Variants in PDZRN4 observed in about 807,000 individuals in gnomAD.
PDZRN4 encodes the protein PDZ domain-containing RING finger protein 4.
Under a neutral mutation model 99.0 loss-of-function variants are expected in PDZRN4, and 70 were observed. That is an observed-to-expected ratio of 0.71 (90% CI 0.58 to 0.86). PDZRN4 has a LOEUF of 0.86. Ranked by LOEUF, PDZRN4 falls within the 40% of genes least tolerant of loss-of-function variation. The pLI, the probability that PDZRN4 is intolerant of heterozygous loss-of-function variation, is 0.00. For synonymous variants in PDZRN4, 551 were observed against 501.6 expected (o/e 1.10, Z -1.32); for missense variants, 1,474 against 1,331.2 (o/e 1.11, Z -1.67).
At chr12:41,217,149 T>C (rs1015360508) in intron 3 of PDZRN4, among the ~76,000 whole-genome samples, 1 of 152,084 alleles carries the variant, frequency 6.6e-6, no homozygotes, top group African/African-American at 2.4e-5. Context: ...GCTAGAGCAG[T>C]GTCTGGACTG....
intron 3 of PDZRN4, among the ~76,000 whole-genome samples, chr12:41,444,377 CT>C (rs1304353204): frequency 6.6e-6 from 1 of 152,084 alleles, no homozygotes; most frequent in Non-Finnish European, 1.5e-5. Context: ...GCAATTTGAG[CT>C]TAAGAGCTCC....
chr12:41,214,873 CTGTT>C (rs887909095), intron 3 of PDZRN4, among the ~76,000 whole-genome samples: 7 of 151,938 alleles, frequency 4.6e-5, no homozygotes, highest in African/African-American at 1.4e-4. Flanking sequence ...TATAATGTAT[CTGTT>C]TGAGAGAAAA....
chr12:41,296,828 G>A (rs181123936), intron 3 of PDZRN4, among the ~76,000 whole-genome samples: 55 of 152,076 alleles, frequency 3.6e-4, no homozygotes, highest in Non-Finnish European at 4.4e-4. Flanking sequence ...GTCATGTGGC[G>A]TGTGCCTGTA....
chr12:41,568,029 A>G lies in PDZRN4; in HGVS notation c.1584+130A>G, dbSNP rs184578938. ...CATCTCTATCATGGTAATTTTTTAG[A>G]GCAAATGATCATCTCAAATGAAGCA... On this transcript the variant is annotated intron_variant, in intron 9 of 9. Transcript: ENST00000402685. 283 of 601,866 alleles carry G rather than the reference A, an allele frequency of 4.7e-4. 1 individual carries two copies. The African/African-American group carries it at 5.1e-3, about 11-fold the overall frequency. 37.3% of individuals were successfully genotyped at this position (601,866 alleles called of 1,614,324 possible).
intron 5 of PDZRN4, among the ~76,000 whole-genome samples, chr12:41,519,435 C>T (rs1014546225): frequency 6.6e-6 from 1 of 152,024 alleles, no homozygotes; most frequent in African/African-American, 2.4e-5. Flanking sequence ...CCAACATCCA[C>T]AAAATGTTCT....
chr12:41,335,554 T>C (rs1703708780), intron 3 of PDZRN4, among the ~76,000 whole-genome samples: 1 of 152,092 alleles, frequency 6.6e-6, no homozygotes, highest in African/African-American at 2.4e-5. Context: ...TGAAGGAAGG[T>C]ATTGAAGATA....
intron 3 of PDZRN4, among the ~76,000 whole-genome samples, chr12:41,331,319 A>G (rs1336581073): frequency 6.6e-6 from 1 of 152,138 alleles, no homozygotes; most frequent in Non-Finnish European, 1.5e-5. Context: ...TTATCTGACC[A>G]TTTACAGATG....
At chr12:41,478,914 T>G (rs1026787635) in intron 3 of PDZRN4, among the ~76,000 whole-genome samples, 4 of 152,214 alleles carry the variant, frequency 2.6e-5, no homozygotes, top group African/African-American at 9.6e-5. Context: ...CTTCAGCATT[T>G]GTAGAGATGT....
At chr12:41,322,648 G>T (rs559769063) in intron 3 of PDZRN4, among the ~76,000 whole-genome samples, 12 of 151,430 alleles carry the variant, frequency 7.9e-5, no homozygotes, top group African/African-American at 2.9e-4. Flanking sequence ...CCACCACCAC[G>T]CCCGGCTAAT....
intron 3 of PDZRN4, among the ~76,000 whole-genome samples, chr12:41,238,718 A>C (rs914050784): frequency 1.3e-5 from 2 of 149,122 alleles, no homozygotes; most frequent in Non-Finnish European, 3.0e-5. Flanking sequence ...TAAAAAATAA[A>C]AAATAAAATA....
chr12:41,571,374 TCTCA>T (rs1298519396), intron 9 of PDZRN4, among the ~76,000 whole-genome samples: 1,700 of 60,576 alleles, frequency 0.028, 9 homozygotes, highest in African/African-American at 0.055. Flanking sequence ...TCTCTCTCTC[TCTCA>T]CACACACACA....
At chr12:41,242,115 C>G (rs1245282120) in intron 3 of PDZRN4, among the ~76,000 whole-genome samples, 2 of 152,162 alleles carry the variant, frequency 1.3e-5, no homozygotes, top group Non-Finnish European at 2.9e-5. Flanking sequence ...TTCAGCTTAT[C>G]CAACTCTTGA....
chr12:41,561,612 T>C (rs1253211233), intron 7 of PDZRN4, among the ~76,000 whole-genome samples: 1 of 47,304 alleles, frequency 2.1e-5, no homozygotes, highest in Non-Finnish European at 3.8e-5. Flanking sequence ...ATAAAGACTA[T>C]ATATATATAT....
At chr12:41,469,128 A>G (rs1952961420) in intron 3 of PDZRN4, among the ~76,000 whole-genome samples, 1 of 152,240 alleles carries the variant, frequency 6.6e-6, no homozygotes, top group African/African-American at 2.4e-5. Context: ...ATACTAGGCA[A>G]AGAAATATTT....
chr12:41,254,923 A>G (rs1951193931), intron 3 of PDZRN4, among the ~76,000 whole-genome samples: 1 of 152,140 alleles, frequency 6.6e-6, no homozygotes, highest in African/African-American at 2.4e-5. Flanking sequence ...CAGTATCTAC[A>G]AAAAATAAAA....
chr12:41,542,064 C>T (rs1011823157), intron 5 of PDZRN4, among the ~76,000 whole-genome samples: 6 of 152,162 alleles, frequency 3.9e-5, no homozygotes, highest in Admixed American at 1.3e-4. Flanking sequence ...GTACAATCAT[C>T]GAATCAGAGA....
intron 3 of PDZRN4, among the ~76,000 whole-genome samples, chr12:41,335,033 A>C (rs1951763919): frequency 6.6e-6 from 1 of 152,062 alleles, no homozygotes; most frequent in African/African-American, 2.4e-5. Context: ...ATCTTGATAG[A>C]GCTTCCTTGA....
At chr12:41,391,430 C>T (rs1422883828) in intron 3 of PDZRN4, among the ~76,000 whole-genome samples, 2 of 152,200 alleles carry the variant, frequency 1.3e-5, no homozygotes, top group African/African-American at 4.8e-5. Context: ...GTCCTGCTCT[C>T]TCCAAGCTCA....
At chr12:41,518,143 TCTC>T (rs144044488) in intron 5 of PDZRN4, among the ~76,000 whole-genome samples, 408 of 152,182 alleles carry the variant, frequency 2.7e-3, no homozygotes, top group African/African-American at 9.6e-3. Context: ...GGATTACAGT[TCTC>T]CTTCTCCTTC....
Sources: allele counts gnomAD v4.1 joint callset (sites outside exome capture counted in the v4.1 genomes callset), GRCh38; gene constraint gnomAD v4.1.1; transcripts MANE v1.5; gene names NCBI Gene and HGNC (gene_info 2026-07-23, HGNC 2026-07-21).